Variants in PCDHGA7 observed in about 807,000 individuals in gnomAD.
The protein encoded by PCDHGA7 is protocadherin gamma subfamily A, 7.
In PCDHGA7, 44 loss-of-function variants were observed where a neutral mutation model predicts 58.3. That is an observed-to-expected ratio of 0.75 (90% confidence interval 0.59 to 0.97). The LOEUF (loss-of-function observed/expected upper bound fraction) is 0.97. Among genes scored for constraint, PCDHGA7 ranks in the 50% least tolerant of loss-of-function variants. PCDHGA7 has a pLI of 0.00. For missense variants in PCDHGA7, 1,266 were observed against 1,188.7 expected (o/e 1.06, Z -0.96); for synonymous variants, 516 against 504.2 (o/e 1.02, Z -0.31).
intron 1 of PCDHGA7, among the ~76,000 whole-genome samples, chr5:141,482,757 T>G: frequency 7.9e-6 from 1 of 127,194 alleles, no homozygotes; most frequent in Admixed American, 7.7e-5. Flanking sequence ...GATTATGGTA[T>G]TTCATTATCA....
intron 1 of PCDHGA7, among the ~76,000 whole-genome samples, chr5:141,475,339 T>C (rs1295364417): frequency 1.3e-5 from 2 of 152,188 alleles, no homozygotes; most frequent in Non-Finnish European, 2.9e-5. Flanking sequence ...AACAATGACA[T>C]CCAGTTTTAA....
At chr5:141,413,796 G>A in intron 1 of PCDHGA7, 2 of 1,613,190 alleles carry the variant, frequency 1.2e-6, no homozygotes, top group Non-Finnish European at 1.7e-6. Flanking sequence ...TAGATCGCGA[G>A]GAAGAGGCCA....
intron 2 of PCDHGA7, among the ~76,000 whole-genome samples, chr5:141,501,530 G>A (rs556760554): frequency 3.5e-4 from 53 of 151,998 alleles, no homozygotes; most frequent in Admixed American, 2.2e-3. Context: ...AGCCCAGTAC[G>A]TTGTTGTGCA....
At chr5:141,453,481 T>TA (rs1178324090) in intron 1 of PCDHGA7, among the ~76,000 whole-genome samples, 1 of 151,928 alleles carries the variant, frequency 6.6e-6, no homozygotes, top group African/African-American at 2.4e-5. Context: ...TCAAAACTAT[T>TA]AAAAAAAGGT....
chr5:141,471,626 G>A (rs938624727), intron 1 of PCDHGA7: 2 of 152,108 alleles, frequency 1.3e-5, no homozygotes, highest in South Asian at 4.1e-4. Context: ...GTAAGCATTG[G>A]TATGGATTAG....
chr5:141,433,056 G>C, intron 1 of PCDHGA7: 10 of 1,614,204 alleles, frequency 6.2e-6, no homozygotes, highest in Non-Finnish European at 8.5e-6. Context: ...TCGCGGAAGA[G>C]TCACCTGATC....
chr5:141,418,897 A>T, intron 1 of PCDHGA7: 1 of 1,613,980 alleles, frequency 6.2e-7, no homozygotes, highest in Non-Finnish European at 8.5e-7. Flanking sequence ...ACAGCCCAGA[A>T]ATAATCATCA....
At position 141,485,221 on chromosome 5, in the gene PCDHGA7, C is replaced by A; in HGVS notation, c.2425-9586C>A. 4 of 1,614,118 alleles carry A rather than the reference C, an allele frequency of 2.5e-6. No individual in the cohort carries two copies. The highest frequency in any genetic ancestry group is 2.2e-5 in the East Asian group (1 of 44,868). ...GGACAGAAATCTGGCGGTGGGCTAC[C>A]CTTTTGTTCCTCTTTTACCACCTGG... On this transcript the variant is annotated intron_variant, in intron 1 of 3. Coordinates refer to ENST00000518325, the MANE Select transcript of PCDHGA7 (RefSeq NM_018920.4). The surrounding 1 kb of genome is among the most constrained non-coding windows in gnomAD (Gnocchi z 5.7).
In PCDHGA7 at chr5:141,384,300, A is replaced by G; in HGVS notation, c.1401A>G (p.Arg467=). ...YSVYIAENNP[R]GASIFLVTAQ... ...TCTACATCGCTGAGAACAACCCCAG[A>G]GGGGCCTCCATTTTCTTAGTGACTG... The change falls in exon 1 of 4, where the codon AGA becomes AGG. Residue 467 remains arginine, a synonymous_variant. Coordinates refer to ENST00000518325, the MANE Select transcript of PCDHGA7 (RefSeq NM_018920.4). The G allele has an allele frequency of 6.2e-7, 1 of 1,613,776 alleles. No homozygotes were observed. Among genetic ancestry groups the G allele is most frequent in the South Asian group, 1.1e-5 (1 of 91,078 alleles).
Position 141,489,829 on chromosome 5 carries a change from G to T in PCDHGA7, c.2425-4978G>T, listed in dbSNP as rs1445416879. 6.2e-7 allele frequency: 1 copy of T among 1,614,076 alleles called. No individual in the cohort carries two copies. Among genetic ancestry groups the T allele is most frequent in the South Asian group, 1.1e-5 (1 of 91,070 alleles). ...GAAGCCATTCCCAGAGCTGGTGCTA[G>T]AGCAGCAGCTGGATCGTGAAGCCCA... On this transcript the variant is annotated intron_variant, in intron 1 of 3. Coordinates refer to ENST00000518325, the MANE Select transcript of PCDHGA7 (RefSeq NM_018920.4). The surrounding 1 kb of genome is among the most constrained non-coding windows in gnomAD (Gnocchi z 4.5).
chr5:141,404,833 C>G (rs754055876), intron 1 of PCDHGA7: 1 of 1,613,844 alleles, frequency 6.2e-7, no homozygotes, highest in Admixed American at 1.7e-5. Flanking sequence ...GTGAAGTGCG[C>G]ACAGCTCGGG....
At chr5:141,478,051 G>A (rs751371411) in intron 1 of PCDHGA7, 2 of 1,614,088 alleles carry the variant, frequency 1.2e-6, no homozygotes, top group East Asian at 2.2e-5. Context: ...AGACTCTCAC[G>A]GTCTTGATCA....
intron 1 of PCDHGA7, chr5:141,393,085 A>T (rs1350561914): frequency 5.6e-6 from 9 of 1,613,542 alleles, no homozygotes; most frequent in Non-Finnish European, 7.6e-6. Flanking sequence ...GGCAGGATAG[A>T]TCGGGAGGAG....
chr5:141,430,904 T>C (rs2097322701), intron 1 of PCDHGA7: 5 of 1,606,730 alleles, frequency 3.1e-6, no homozygotes, highest in Middle Eastern at 1.7e-4. Context: ...GGGCGACATC[T>C]CCAGGGACCT....
rs776543767 is a variant in PCDHGA7 at position 141,432,028 on chromosome 5, C to G, written c.2424+46705C>G. The G allele has an allele frequency of 6.2e-7, 1 of 1,614,168 alleles. No homozygotes were observed. The highest frequency in any genetic ancestry group is 2.2e-5 in the East Asian group (1 of 44,882). On this transcript the variant is annotated intron_variant, in intron 1 of 3. Transcript: ENST00000518325. This position sits in a 1 kb window ranked among gnomAD's most constrained non-coding sequence, Gnocchi z 6.0. ...TTCCTAGCTACAACATCACAGTGAC[C>G]GCCACTGACCGGGGAACCCCGCCCC...
intron 1 of PCDHGA7, chr5:141,400,524 GGTGA>G (rs1307110266): frequency 1.2e-6 from 2 of 1,613,920 alleles, no homozygotes; most frequent in Admixed American, 3.3e-5. Context: ...ATCCTGAGTT[GGTGA>G]GTTTCATTTA....
At chr5:141,452,046 T>C (rs767493861) in intron 1 of PCDHGA7, among the ~76,000 whole-genome samples, 1 of 152,242 alleles carries the variant, frequency 6.6e-6, no homozygotes, top group Non-Finnish European at 1.5e-5. Context: ...TAACTCCATT[T>C]GTAATAACTT....
chr5:141,505,520 C>T, intron 3 of PCDHGA7, 39 bp downstream of exon 3: 1 of 1,612,650 alleles, frequency 6.2e-7, no homozygotes, highest in Non-Finnish European at 8.5e-7. Flanking sequence ...AGTGGGAGAC[C>T]TGGGGTTCTG....
intron 2 of PCDHGA7, among the ~76,000 whole-genome samples, chr5:141,495,193 T>C (rs1471524188): frequency 6.6e-6 from 1 of 152,192 alleles, no homozygotes; most frequent in Admixed American, 6.5e-5. Context: ...TCTATGCCCA[T>C]GTACTGCCTA....
Sources: allele counts gnomAD v4.1 joint callset (sites outside exome capture counted in the v4.1 genomes callset), GRCh38; gene constraint gnomAD v4.1.1; non-coding constraint Gnocchi (gnomAD v3.1); transcripts MANE v1.5; gene names NCBI Gene and HGNC (gene_info 2026-07-23, HGNC 2026-07-21).